Variants in EDA2R observed in about 807,000 individuals in gnomAD.
EDA2R encodes ectodysplasin A2 receptor.
In EDA2R, 26 loss-of-function variants were observed where a neutral mutation model predicts 20.1. The observed-to-expected ratio is 1.30, with a 90% confidence interval of 0.95 to 1.80. EDA2R has a LOEUF of 1.80. Ranked by LOEUF, EDA2R falls within the 40% of genes most tolerant of loss-of-function variation. The probability of loss-of-function intolerance (pLI) is 0.00; values close to 1 mark genes in which losing one functional copy is unlikely to be tolerated. For synonymous variants in EDA2R, 114 were observed against 88.7 expected (o/e 1.29, Z -1.60); for missense variants, 277 against 228.7 (o/e 1.21, Z -1.36).
At chrX:66,598,409 G>A (rs769936172) in intron 6 of EDA2R, among the ~76,000 whole-genome samples, 22 of 111,806 alleles carry the variant, frequency 2.0e-4, no homozygotes, top group Admixed American at 5.7e-4. Context: ...TGTCTGGCAC[G>A]AGGAACAGAG....
rs181924369 is a variant in EDA2R, at chrX:66,635,405, C to G, written c.-11+3590G>C. ...CCAAGAAGAGAATACACGGGTGGAG[C>G]TAGTTTCTAGAAAGAAAGCAGTGAA... On this transcript the variant is annotated intron_variant, in intron 1 of 6. Coordinates refer to ENST00000374719, the MANE Select transcript of EDA2R (RefSeq NM_021783.5). Among the ~76,000 whole-genome samples, 25 of 112,277 alleles carry G rather than the reference C, an allele frequency of 2.2e-4. No individual in the cohort carries two copies. In the South Asian group the frequency reaches 8.5e-3, roughly 38 times the overall value.
At chrX:66,624,644 G>C (rs1252833776) in intron 1 of EDA2R, among the ~76,000 whole-genome samples, 1 of 111,917 alleles carries the variant, frequency 8.9e-6, no homozygotes, top group African/African-American at 3.3e-5. Flanking sequence ...TGGCAGACGG[G>C]AGGCAGGACT....
chrX:66,611,508 A>G (rs902927227), intron 2 of EDA2R, among the ~76,000 whole-genome samples: 3 of 111,794 alleles, frequency 2.7e-5, no homozygotes, highest in African/African-American at 9.7e-5. Context: ...TTTTAAATAA[A>G]CAGATGGTAA....
chrX:66,631,057 A>T (rs1280809612), intron 1 of EDA2R, among the ~76,000 whole-genome samples: 1 of 109,631 alleles, frequency 9.1e-6, no homozygotes, highest in Non-Finnish European at 1.9e-5. Context: ...ATATATACAC[A>T]TATATATTGA....
chrX:66,628,625 C>T (rs1452283594), intron 1 of EDA2R, among the ~76,000 whole-genome samples: 1 of 108,270 alleles, frequency 9.2e-6, no homozygotes, highest in African/African-American at 3.4e-5. Flanking sequence ...TACACCCCCC[C>T]AGCTTAAATC....
Position 66,596,767 on chromosome X carries a change from A to T in EDA2R, c.*1337T>A, listed in dbSNP as rs1455045438. 1 of 112,161 alleles carries T rather than the reference A, an allele frequency of 8.9e-6. No individual in the cohort carries two copies. Among genetic ancestry groups the T allele is most frequent in the Non-Finnish European group, 1.9e-5 (1 of 53,309 alleles). The allele number at this position is 112,161 out of a possible 1,213,427, so 9.2% of individuals were successfully genotyped here. On this transcript the variant is annotated 3_prime_UTR_variant, in exon 7 of 7. Transcript: ENST00000374719. Reference sequence around the variant, plus strand: ...AACAAAAACAAAAACAAAAACAAAAAAAAAACAGGAAACCTAAAGGCCAAG... The same window carrying T: ...AACAAAAACAAAAACAAAAACAAAATAAAAACAGGAAACCTAAAGGCCAAG...
At chrX:66,604,355 T>A in intron 4 of EDA2R, 66 bp downstream of exon 4, 2 of 1,025,817 alleles carry the variant, frequency 1.9e-6, no homozygotes, top group Non-Finnish European at 2.7e-6. Flanking sequence ...GGGTAGTCTT[T>A]ACTACCCTAT....
At chrX:66,599,437 T>A (rs1381271086) in intron 6 of EDA2R, 37 bp downstream of exon 6, 3 of 1,034,425 alleles carry the variant, frequency 2.9e-6, no homozygotes, top group Admixed American at 1.1e-4. Context: ...TCTGTTTTGC[T>A]TTTTTTGTTT....
At chrX:66,606,728 T>C (rs752649516) in intron 2 of EDA2R, among the ~76,000 whole-genome samples, 4 of 112,379 alleles carry the variant, frequency 3.6e-5, no homozygotes, top group South Asian at 7.4e-4. Flanking sequence ...AGTCCTAAAG[T>C]AGTGGAAGTC....
At chrX:66,637,121 C>T (rs750583578) in intron 1 of EDA2R, among the ~76,000 whole-genome samples, 5 of 112,029 alleles carry the variant, frequency 4.5e-5, no homozygotes, top group African/African-American at 9.7e-5. Flanking sequence ...CTTTCTATTG[C>T]GTTATCCACA....
chrX:66,598,708 TG>T (rs918140551), intron 6 of EDA2R, among the ~76,000 whole-genome samples: 7 of 112,247 alleles, frequency 6.2e-5, no homozygotes, highest in African/African-American at 2.3e-4. Context: ...AATATACATT[TG>T]TTCACGTTTT....
intron 1 of EDA2R, among the ~76,000 whole-genome samples, chrX:66,633,278 G>A (rs1934017204): frequency 8.9e-6 from 1 of 112,062 alleles, no homozygotes; most frequent in Non-Finnish European, 1.9e-5. Context: ...TTTGGTTAGT[G>A]TTTGGCAACT....
intron 1 of EDA2R, among the ~76,000 whole-genome samples, chrX:66,620,995 G>A (rs1011698518): frequency 4.0e-5 from 4 of 99,330 alleles, no homozygotes; most frequent in African/African-American, 7.0e-5. Context: ...AAAAATAGCC[G>A]GCCAGGCACG....
intron 2 of EDA2R, among the ~76,000 whole-genome samples, chrX:66,605,895 G>C (rs933661909): frequency 8.9e-6 from 1 of 112,220 alleles, no homozygotes; most frequent in African/African-American, 3.2e-5. Flanking sequence ...TATATATTGG[G>C]TTGTGATAAA....
chrX:66,630,975 G>A (rs572140482), intron 1 of EDA2R, among the ~76,000 whole-genome samples: 60 of 108,795 alleles, frequency 5.5e-4, no homozygotes, highest in African/African-American at 1.9e-3. Flanking sequence ...ATATATACAC[G>A]TATGTGTGTA....
chrX:66,600,550 G>C lies in EDA2R; in HGVS notation c.518-690C>G, dbSNP rs766447594. Among the ~76,000 whole-genome samples, 24 of 111,838 alleles carry C rather than the reference G, an allele frequency of 2.1e-4. 1 individual carries two copies. The South Asian group carries it at 8.6e-3, about 40-fold the overall frequency. On this transcript the variant is annotated intron_variant, in intron 5 of 6. Coordinates refer to ENST00000374719, the MANE Select transcript of EDA2R (RefSeq NM_021783.5). ...GATTCTCTCCCAGAGACTCCAGAAAGAAACACAGCCCTGCCAATATCTTAA... is the reference window on the plus strand; with the variant it reads ...GATTCTCTCCCAGAGACTCCAGAAACAAACACAGCCCTGCCAATATCTTAA...
In EDA2R at chrX:66,620,015, C is replaced by T. The variant is rs766086940; in HGVS notation, c.-10-3985G>A. ...GCCCCTTCCCAGTCAATATCGACTCCTCCCCAGATAATTACAGCACTGGCT... is the reference window on the plus strand; with the variant it reads ...GCCCCTTCCCAGTCAATATCGACTCTTCCCCAGATAATTACAGCACTGGCT... On this transcript the variant is annotated intron_variant, in intron 1 of 6. Transcript: ENST00000374719. Among the ~76,000 whole-genome samples, 5 of 111,638 alleles carry T rather than the reference C, an allele frequency of 4.5e-5. No homozygotes were observed. The South Asian group carries it at 1.5e-3, about 34-fold the overall frequency.
chrX:66,599,944 G>A (rs1928246203), intron 5 of EDA2R, 84 bp from the exon 6 acceptor site: 8 of 1,144,862 alleles, frequency 7.0e-6, no homozygotes, highest in Admixed American at 2.8e-5. Context: ...GTACAAGACA[G>A]GTAAAGGTCT....
At position 66,599,869 on chromosome X, in the gene EDA2R, C is replaced by T. The variant is rs755085483; in HGVS notation, c.518-9G>A. Reference sequence around the variant, plus strand: ...AAACTGCAGCAAACCTCCTGCAACTCGAAGCAGAAAGCCACTGGGTTACCC... The same window carrying T: ...AAACTGCAGCAAACCTCCTGCAACTTGAAGCAGAAAGCCACTGGGTTACCC... On this transcript the variant is annotated splice_polypyrimidine_tract_variant and intron_variant, in intron 5 of 6. Transcript: ENST00000374719. The T allele has an allele frequency of 1.2e-5, 14 of 1,197,169 alleles. No homozygotes were observed. The highest frequency in any genetic ancestry group is 8.8e-5 in the African/African-American group (5 of 56,941).
Sources: allele counts gnomAD v4.1 joint callset (sites outside exome capture counted in the v4.1 genomes callset), GRCh38; gene constraint gnomAD v4.1.1; transcripts MANE v1.5; gene names NCBI Gene and HGNC (gene_info 2026-07-23, HGNC 2026-07-21).